PRKCH: variants seen among roughly 807,000 people sequenced by gnomAD.
The protein encoded by PRKCH is protein kinase C eta, also known as protein kinase C eta type.
In PRKCH, 28 loss-of-function variants were observed where a neutral mutation model predicts 82.5. The ratio of observed to expected loss-of-function variants is 0.34; its 90% CI spans 0.25 to 0.47. The LOEUF is 0.47. PRKCH is among the 20% of genes least tolerant of loss of function. The pLI is 1.00. For synonymous variants in PRKCH, 322 were observed against 327.4 expected (o/e 0.98, Z 0.18); for missense variants, 705 against 881.8 (o/e 0.80, Z 2.54).
chr14:61,487,969 C>A (rs1268566944), intron 10 of PRKCH, among the ~76,000 whole-genome samples: 1 of 152,004 alleles, frequency 6.6e-6, no homozygotes, highest in Non-Finnish European at 1.5e-5. Context: ...CTGGCTAACA[C>A]CCTGAAACCC....
Position 61,547,736 on chromosome 14 carries a change from C to T in PRKCH, c.1762-7C>T. The stretch of plus-strand genomic sequence containing the variant: ...AATGATTGACACTTTCTCTCTCTCT[C>T]ACTCAGTTCATGACCAAGAACCCCA... On this transcript the variant is annotated splice_region_variant and splice_polypyrimidine_tract_variant and intron_variant, in intron 12 of 13. Transcript: ENST00000332981. 6.2e-7 allele frequency: 1 copy of T among 1,611,712 alleles called. No individual in the cohort carries two copies. The highest frequency in any genetic ancestry group is 8.5e-7 in the Non-Finnish European group (1 of 1,178,558).
intron 2 of PRKCH, among the ~76,000 whole-genome samples, chr14:61,406,196 GA>G (rs35265528): frequency 0.54 from 80,218 of 149,544 alleles, 23,436 homozygotes; most frequent in Non-Finnish European, 0.65. Flanking sequence ...ACACATACAG[GA>G]AAAAAAAAAT....
At chr14:61,225,220 G>T (rs1037445309) in intron 1 of PRKCH, among the ~76,000 whole-genome samples, 2 of 152,182 alleles carry the variant, frequency 1.3e-5, no homozygotes, top group African/African-American at 4.8e-5. Flanking sequence ...CATGCACACA[G>T]GCTTAAAATT....
At chr14:61,298,741 ACT>A (rs1449529562) in intron 1 of PRKCH, 1 of 151,180 alleles carries the variant, frequency 6.6e-6, no homozygotes, top group Non-Finnish European at 1.5e-5. Context: ...TTTTACCAAA[ACT>A]CTTTTTTTCC....
intron 10 of PRKCH, among the ~76,000 whole-genome samples, chr14:61,521,306 T>G (rs963202910): frequency 7.2e-5 from 11 of 152,200 alleles, no homozygotes; most frequent in Non-Finnish European, 1.3e-4. Context: ...TAGTCCTTCA[T>G]AAAAATTTGG....
intron 9 of PRKCH, among the ~76,000 whole-genome samples, chr14:61,477,438 C>A (rs1594747800): frequency 6.6e-6 from 1 of 152,178 alleles, no homozygotes; most frequent in Admixed American, 6.5e-5. Flanking sequence ...CAAATGCAGT[C>A]TTTAAATCAT....
intron 5 of PRKCH, 89 bp from the exon 6 acceptor site, chr14:61,450,753 C>A: frequency 6.7e-7 from 1 of 1,485,114 alleles, no homozygotes; most frequent in Non-Finnish European, 9.2e-7. Flanking sequence ...CATAGTGACA[C>A]TTTGCATTTG....
At chr14:61,270,396 G>C (rs931743188) in intron 1 of PRKCH, among the ~76,000 whole-genome samples, 1 of 152,144 alleles carries the variant, frequency 6.6e-6, no homozygotes, top group Admixed American at 6.5e-5. Context: ...CTCCACGCTA[G>C]CAGTGGCCAG....
chr14:61,225,150 A>T (rs79467089), intron 1 of PRKCH, among the ~76,000 whole-genome samples: 4,332 of 152,274 alleles, frequency 0.028, 203 homozygotes, highest in African/African-American at 0.099. Context: ...TTGTGTTGGA[A>T]TTTGTTTTGA....
At chr14:61,464,342 C>T (rs1885159440) in intron 9 of PRKCH, among the ~76,000 whole-genome samples, 1 of 151,120 alleles carries the variant, frequency 6.6e-6, no homozygotes, top group Non-Finnish European at 1.5e-5. Flanking sequence ...TTTTTCTATA[C>T]CTGTTGGCCA....
intron 9 of PRKCH, among the ~76,000 whole-genome samples, chr14:61,480,857 G>A (rs146222676): frequency 1.3e-5 from 2 of 152,184 alleles, no homozygotes; most frequent in African/African-American, 2.4e-5. Context: ...GCCTGCCTTC[G>A]CAGTCCCTCC....
chr14:61,496,241 A>G (rs990013335), intron 10 of PRKCH, among the ~76,000 whole-genome samples: 2 of 152,218 alleles, frequency 1.3e-5, no homozygotes, highest in African/African-American at 4.8e-5. Flanking sequence ...TATCTTCTGT[A>G]TGACAGTTGC....
At chr14:61,364,563 G>A (rs1310343455) in intron 1 of PRKCH, among the ~76,000 whole-genome samples, 1 of 151,986 alleles carries the variant, frequency 6.6e-6, no homozygotes, top group Non-Finnish European at 1.5e-5. Context: ...GCCAGGTGTG[G>A]TGGTTCACAC....
upstream of PRKCH, among the ~76,000 whole-genome samples, chr14:61,321,479 C>T (rs575492715): frequency 2.0e-5 from 3 of 152,142 alleles, no homozygotes; most frequent in East Asian, 1.9e-4. This position sits in a 1 kb window ranked among gnomAD's most constrained non-coding sequence, Gnocchi z 4.1. Context: ...ACTGGCCTCC[C>T]GGGGGCTTGC....
At chr14:61,532,021 G>C (rs7152031) in intron 12 of PRKCH, among the ~76,000 whole-genome samples, 10,928 of 152,272 alleles carry the variant, frequency 0.072, 1,212 homozygotes, top group African/African-American at 0.24. Flanking sequence ...TCGTGCTGCA[G>C]ACGGAGGCGT....
At chr14:61,461,627 G>T (rs79015020) in intron 9 of PRKCH, among the ~76,000 whole-genome samples, 1 of 152,218 alleles carries the variant, frequency 6.6e-6, no homozygotes, top group East Asian at 1.9e-4. Flanking sequence ...AGTTACTACT[G>T]CTGAAGCAAA....
At chr14:61,314,827 G>A (rs1424132593) in intron 1 of PRKCH, among the ~76,000 whole-genome samples, 2 of 152,074 alleles carry the variant, frequency 1.3e-5, no homozygotes, top group African/African-American at 4.8e-5. Context: ...CTGGCCGTCA[G>A]GACCCTTTGG....
chr14:61,352,834 C>G (rs956000131), intron 1 of PRKCH, among the ~76,000 whole-genome samples: 1 of 152,068 alleles, frequency 6.6e-6, no homozygotes, highest in Non-Finnish European at 1.5e-5. Context: ...ATAATAGTAT[C>G]AGTATAGGCC....
intron 1 of PRKCH, among the ~76,000 whole-genome samples, chr14:61,373,502 G>A (rs1226795338): frequency 1.3e-5 from 2 of 151,910 alleles, no homozygotes; most frequent in African/African-American, 4.8e-5. Context: ...GATGAGTGGG[G>A]ACACAGAGCC....
Sources: allele counts gnomAD v4.1 joint callset (sites outside exome capture counted in the v4.1 genomes callset), GRCh38; gene constraint gnomAD v4.1.1; non-coding constraint Gnocchi (gnomAD v3.1); transcripts MANE v1.5; gene names NCBI Gene and HGNC (gene_info 2026-07-23, HGNC 2026-07-21).